SMARCA1: variants seen among roughly 807,000 people sequenced by gnomAD.
SMARCA1 encodes SWI/SNF-related matrix-associated actin-dependent regulator of chromatin subfamily A member 1.
In SMARCA1, 17 loss-of-function variants were observed where a neutral mutation model predicts 93.6. The observed-to-expected ratio is 0.18, with a 90% confidence interval of 0.12 to 0.27. SMARCA1 has a LOEUF of 0.27. Ranked by LOEUF, SMARCA1 falls within the 10% of genes least tolerant of loss-of-function variation. The pLI is 1.00. For missense variants in SMARCA1, 630 were observed against 819.0 expected, an observed-to-expected ratio of 0.77 and a Z score of 2.82; for synonymous variants, 271 against 271.4, an observed-to-expected ratio of 1.00 and a Z score of 0.01.
chrX:129,523,478 C>G lies in SMARCA1; in HGVS notation c.-108G>C. 1 of 623,800 alleles carries G rather than the reference C, an allele frequency of 1.6e-6. No individual in the cohort carries two copies. The highest frequency in any genetic ancestry group is 3.3e-5 in the South Asian group (1 of 30,615). The allele number at this position is 623,800 out of a possible 1,213,427, so 51.4% of individuals were successfully genotyped here. The stretch of plus-strand genomic sequence containing the variant: ...TAGATGGAGCAGGGGTGGGGAATCA[C>G]TCCGCTTCCAACCCCTTCGCTCAGG... On this transcript the variant is annotated 5_prime_UTR_variant, in exon 1 of 25. Coordinates refer to ENST00000371121, the MANE Select transcript of SMARCA1 (RefSeq NM_001282874.2).
chrX:129,511,838 C>G lies in SMARCA1; in HGVS notation c.776G>C (p.Arg259Pro), dbSNP rs746082556. 5.0e-6 allele frequency: 6 copies of G among 1,198,864 alleles called. No homozygotes were observed. The East Asian group carries it at 1.5e-4, about 30-fold the overall frequency. Reference sequence around the variant, plus strand: ...CTTGTCTCCGACAAAACAAATGACACGGAGAGATGGGACCCATCGTTTAAA... The same window carrying G: ...CTTGTCTCCGACAAAACAAATGACAGGGAGAGATGGGACCCATCGTTTAAA... The part of the protein sequence containing the change: ...NEFKRWVPSL[R>P]VICFVGDKDA... The change falls in exon 6 of 25, where the codon CGT (arginine) becomes CCT (proline). Residue 259 changes from arginine to proline, a missense_variant. Arg to Pro is a moderately radical substitution (Grantham distance 103). Around this residue, in one of 4 missense-constraint regions of SMARCA1, gnomAD observed 382 missense variants for 537.9 expected, o/e 0.71. Transcript: ENST00000371121.
chrX:129,504,541 T>A (rs1602717990), intron 9 of SMARCA1, among the ~76,000 whole-genome samples, 193 bp downstream of exon 9: 1 of 41,338 alleles, frequency 2.4e-5, no homozygotes, highest in Non-Finnish European at 3.7e-5. Context: ...GCTGAGGACA[T>A]AGAGGAATAA....
In SMARCA1 at chrX:129,491,949, G is replaced by T; in HGVS notation, c.1807C>A (p.Gln603Lys). Residue 603 changes from glutamine to lysine, a missense_variant, in exon 14 of 25, where the codon CAA (glutamine) becomes AAA (lysine). Gln to Lys is a moderately conservative substitution (Grantham distance 53). This residue lies in a region of SMARCA1 where 382 missense variants were observed against 537.9 expected (regional missense o/e 0.71). Transcript: ENST00000371121. ...DSDWNPQVDL[Q>K]AMDRAHRIGQ... ...CATTAAAGATTACTAACCATAGCTT[G>T]TAGATCAACCTGTGGGTTCCAGTCT... 3.4e-6 allele frequency: 4 copies of T among 1,193,407 alleles called. No individual in the cohort carries two copies. The highest frequency in any genetic ancestry group is 4.5e-6 in the Non-Finnish European group (4 of 883,682).
Position 129,465,743 on chromosome X carries a change from A to C in SMARCA1, c.2818-11T>G, listed in dbSNP as rs757711881. 2 of 1,135,890 alleles carry C rather than the reference A, an allele frequency of 1.8e-6. No individual in the cohort carries two copies. The highest frequency in any genetic ancestry group is 4.3e-5 in the South Asian group (2 of 46,453). 93.6% of individuals were successfully genotyped at this position (1,135,890 alleles called of 1,213,427 possible). A position where few individuals can be genotyped will look rare whatever the true frequency, so the allele number is the denominator to read the frequency against. On this transcript the variant is annotated splice_polypyrimidine_tract_variant and intron_variant, in intron 22 of 24. Transcript: ENST00000371121. ...CTTGTATCTTGCAATCTGTGTATTT[A>C]AACAAAATAGTGCTTTTAATTGAAT...
chrX:129,461,123 T>C (rs1402113166), intron 23 of SMARCA1, among the ~76,000 whole-genome samples: 1 of 111,732 alleles, frequency 8.9e-6, no homozygotes, highest in Non-Finnish European at 1.9e-5. Flanking sequence ...AAAGATATGG[T>C]AATTGTAATG....
chrX:129,470,060 CA>C (rs1239159540), intron 20 of SMARCA1, among the ~76,000 whole-genome samples: 1 of 110,098 alleles, frequency 9.1e-6, no homozygotes, highest in Non-Finnish European at 1.9e-5. Flanking sequence ...TACGTTATAG[CA>C]AAAAAAACCT....
At chrX:129,457,449 A>G (rs2124171977) in intron 23 of SMARCA1, among the ~76,000 whole-genome samples, 1 of 112,319 alleles carries the variant, frequency 8.9e-6, no homozygotes, top group South Asian at 3.7e-4. Flanking sequence ...CCATTGACAA[A>G]AGGATCTTAT....
chrX:129,520,459 T>C (rs1434678906), intron 1 of SMARCA1, among the ~76,000 whole-genome samples: 1 of 111,139 alleles, frequency 9.0e-6, no homozygotes, highest in Non-Finnish European at 1.9e-5. Flanking sequence ...AATTCTCATC[T>C]ACTGTATTCA....
Position 129,479,785 on chromosome X carries a change from C to T in SMARCA1, c.2442+916G>A, listed in dbSNP as rs774083427. On this transcript the variant is annotated intron_variant, in intron 19 of 24. Coordinates refer to ENST00000371121, the MANE Select transcript of SMARCA1 (RefSeq NM_001282874.2). ...CGATCTCAGCTCACTGCAACCTTCA[C>T]CTCCCAGGATCAAGCGATTCTCCTG... is the stretch of plus-strand genomic sequence containing the variant. Among the ~76,000 whole-genome samples, 124 of 109,928 alleles carry T rather than the reference C, an allele frequency of 1.1e-3. 1 individual carries two copies. The highest frequency in any genetic ancestry group is 1.9e-3 in the South Asian group (5 of 2,606).
chrX:129,465,608 C>T lies in SMARCA1; in HGVS notation c.2942G>A (p.Arg981Lys), dbSNP rs199646162. 2.8e-5 allele frequency: 33 copies of T among 1,198,675 alleles called. No homozygotes were observed. In the Admixed American group the frequency reaches 4.4e-4, roughly 16 times the overall value. ...ICMLHKMGFD[R>K]ENVYEELRQC... ...TCTTAATTCTTCATATACATTTTCT[C>T]TATCAAAGCCCATTTTGTGTAACAT... Residue 981 changes from arginine to lysine, a missense_variant, in exon 23 of 25, where the codon AGA becomes AAA. Arg to Lys is a conservative substitution (Grantham distance 26). Coordinates refer to ENST00000371121, the MANE Select transcript of SMARCA1 (RefSeq NM_001282874.2).
intron 23 of SMARCA1, among the ~76,000 whole-genome samples, chrX:129,456,895 G>A (rs1191230974): frequency 8.9e-6 from 1 of 112,467 alleles, no homozygotes; most frequent in Admixed American, 9.4e-5. Flanking sequence ...AAAGGATTCA[G>A]AATTATACAT....
At chrX:129,489,800 C>G (rs1934049543) in intron 15 of SMARCA1, among the ~76,000 whole-genome samples, 2 of 111,992 alleles carry the variant, frequency 1.8e-5, no homozygotes, top group African/African-American at 6.5e-5. Context: ...CTCAGGTGAT[C>G]CACCCGCCTC....
chrX:129,517,008 A>G (rs1935225390), intron 2 of SMARCA1, among the ~76,000 whole-genome samples: 1 of 111,420 alleles, frequency 9.0e-6, no homozygotes, highest in South Asian at 3.7e-4. Context: ...CTTAAAATAC[A>G]GTATCATCTT....
chrX:129,485,185 G>A (rs1166123521), intron 17 of SMARCA1, among the ~76,000 whole-genome samples: 2 of 112,367 alleles, frequency 1.8e-5, no homozygotes, highest in Non-Finnish European at 3.8e-5. Context: ...CACGTGGGCT[G>A]TACCCAGCAA....
rs777673396 is a variant in SMARCA1, at chrX:129,515,573, TAAC to T, written c.630+111_630+113del. Reference sequence around the variant, plus strand: ...AGACTACAAAATACCTTTTACATGATAACAACTTTTAAAAAGCCTCCAGGCATC... The same window carrying T: ...AGACTACAAAATACCTTTTACATGATAACTTTTAAAAAGCCTCCAGGCATC... On this transcript the variant is annotated intron_variant, in intron 5 of 24. Coordinates refer to ENST00000371121, the MANE Select transcript of SMARCA1 (RefSeq NM_001282874.2). 711 of 518,021 alleles carry T rather than the reference TAAC, an allele frequency of 1.4e-3. 4 individuals carry two copies. The African/African-American group carries it at 0.015, about 11-fold the overall frequency. 42.7% of individuals were successfully genotyped at this position (518,021 alleles called of 1,213,427 possible).
At position 129,481,122 on chromosome X, in the gene SMARCA1, C is replaced by T. The variant is rs1387177453; in HGVS notation, c.2281G>A (p.Ala761Thr). The T allele has an allele frequency of 8.3e-7, 1 of 1,207,925 alleles. No individual in the cohort carries two copies. The highest frequency in any genetic ancestry group is 1.1e-6 in the Non-Finnish European group (1 of 892,574). The change falls in exon 18 of 25, where the codon GCC (alanine) becomes ACC (threonine). Residue 761 changes from alanine (A) to threonine (T), a missense_variant. Physicochemically the swap from Ala to Thr is moderately conservative, Grantham distance 58. Transcript: ENST00000371121. ...RERKANYAVD[A>T]YFREALRVSE... ...ACACGCAAAGCCTCTCTAAAGTAGG[C>T]ATCCACTGCGTAGTTTGCTTTGCGT...
intron 8 of SMARCA1, among the ~76,000 whole-genome samples, chrX:129,505,516 T>A (rs1473520316): frequency 9.1e-6 from 1 of 110,295 alleles, no homozygotes; most frequent in Admixed American, 9.8e-5. Context: ...CCTCTCAAAA[T>A]AGTAATAATA....
intron 19 of SMARCA1, among the ~76,000 whole-genome samples, chrX:129,479,372 A>G (rs947476738): frequency 9.0e-6 from 1 of 110,884 alleles, no homozygotes; most frequent in Non-Finnish European, 1.9e-5. Flanking sequence ...ATTTGAACCT[A>G]TAACTTACCT....
chrX:129,508,502 C>G (rs763890635), intron 6 of SMARCA1, among the ~76,000 whole-genome samples: 2 of 112,427 alleles, frequency 1.8e-5, no homozygotes, highest in Non-Finnish European at 3.7e-5. Flanking sequence ...GATACAGTTT[C>G]AACAAATAGA....
Sources: allele counts gnomAD v4.1 joint callset (sites outside exome capture counted in the v4.1 genomes callset), GRCh38; gene constraint gnomAD v4.1.1; regional missense constraint gnomAD v4.1.1; transcripts MANE v1.5; gene names NCBI Gene and HGNC (gene_info 2026-07-23, HGNC 2026-07-21).